The following POLR1B variants were observed in gnomAD, a reference collection of about 807,000 sequenced individuals.
POLR1B encodes RNA polymerase I subunit B.
Under a neutral mutation model 105.8 loss-of-function variants are expected in POLR1B, and 30 were observed. The observed-to-expected ratio is 0.28, with a 90% CI of 0.21 to 0.38. The LOEUF (loss-of-function observed/expected upper bound fraction) is 0.38. Among genes scored for constraint, POLR1B ranks in the 10% least tolerant of loss-of-function variants. The pLI, the probability that POLR1B is intolerant of heterozygous loss-of-function variation, is 1.00. For missense variants in POLR1B, 976 were observed against 1,435.8 expected, an observed-to-expected ratio of 0.68 and a Z score of 5.17; for synonymous variants, 485 against 505.1, an observed-to-expected ratio of 0.96 and a Z score of 0.53.
chr2:112,559,611 A>C (rs371560740), intron 9 of POLR1B, 37 bp downstream of exon 9: 1 of 1,586,354 alleles, frequency 6.3e-7, no homozygotes, highest in Admixed American at 1.8e-5. Context: ...TTGTTTGGTT[A>C]TGTGGGTTTT....
chr2:112,544,346 C>T (rs1477819283), intron 1 of POLR1B, among the ~76,000 whole-genome samples: 6 of 152,034 alleles, frequency 3.9e-5, no homozygotes, highest in Non-Finnish European at 7.4e-5. Context: ...GCACGAGAAT[C>T]GCTTGAACCT....
intron 9 of POLR1B, among the ~76,000 whole-genome samples, chr2:112,560,854 T>C (rs1049052741): frequency 6.6e-6 from 1 of 152,094 alleles, no homozygotes; most frequent in Non-Finnish European, 1.5e-5. Context: ...GTCAGGAGTT[T>C]AAGACCAACC....
intron 3 of POLR1B, 111 bp downstream of exon 3, chr2:112,547,678 AAGAGATATC>A (rs1284753465): frequency 1.6e-6 from 2 of 1,225,516 alleles, no homozygotes; most frequent in African/African-American, 3.0e-5. Flanking sequence ...GGATAGGTGA[AAGAGATATC>A]AGTATCTTGC....
chr2:112,546,839 A>T, intron 1 of POLR1B, 173 bp from the exon 2 acceptor site: 1 of 570,172 alleles, frequency 1.8e-6, no homozygotes, highest in South Asian at 2.2e-5. Context: ...CTGAGATTAC[A>T]GGCGTGAACC....
Position 112,551,595 on chromosome 2 carries a change from A to G in POLR1B, c.763-180A>G, listed in dbSNP as rs1001409417. Among the ~76,000 whole-genome samples, 12 of 152,168 alleles carry G rather than the reference A, an allele frequency of 7.9e-5. No individual in the cohort carries two copies. The South Asian group carries it at 1.2e-3, about 16-fold the overall frequency. ...CCAGGAGATGAGGACCCTGGAGGCA[A>G]TTGTGCTGTCTGGCTATCATACAAA... On this transcript the variant is annotated intron_variant, in intron 5 of 14. Coordinates refer to ENST00000263331, the MANE Select transcript of POLR1B (RefSeq NM_019014.6).
chr2:112,576,603 A>G lies in POLR1B; in HGVS notation c.*874A>G, dbSNP rs542824281. The G allele has an allele frequency of 6.6e-6, 1 of 152,234 alleles. No homozygotes were observed. Among genetic ancestry groups the G allele is most frequent in the African/African-American group, 2.4e-5 (1 of 41,548 alleles). The allele number at this position is 152,234 out of a possible 1,614,324, so 9.4% of individuals were successfully genotyped here. A position where few individuals can be genotyped will look rare whatever the true frequency, so the allele number is the denominator to read the frequency against. On this transcript the variant is annotated 3_prime_UTR_variant, in exon 15 of 15. Transcript: ENST00000263331. ...ATCTCATATAGTGGGATCATGCAAT[A>G]TTTGTCCTGTGACTGGCTTATTTCA... is the stretch of plus-strand genomic sequence containing the variant.
rs1234380896 is a variant in POLR1B, at chr2:112,578,025, T to G, written c.*2296T>G. On this transcript the variant is annotated 3_prime_UTR_variant, in exon 15 of 15. Coordinates refer to ENST00000263331, the MANE Select transcript of POLR1B (RefSeq NM_019014.6). The stretch of plus-strand genomic sequence containing the variant: ...ATTCCAGGTTCTGGCTACTGAATGA[T>G]CCCACAGCTGAGGTCTATTGTCATC... Among the ~76,000 whole-genome samples, 5 of 152,154 alleles carry G rather than the reference T, an allele frequency of 3.3e-5. No individual in the cohort carries two copies. The highest frequency in any genetic ancestry group is 5.9e-5 in the Non-Finnish European group (4 of 68,024).
rs1166266278 is a variant in POLR1B, at chr2:112,576,729, TGAGTGCAG to T, written c.*1005_*1012del. 2.0e-5 allele frequency: 3 copies of T among 152,214 alleles called. No homozygotes were observed. Among genetic ancestry groups the T allele is most frequent in the Non-Finnish European group, 4.4e-5 (3 of 68,052 alleles). The allele number at this position is 152,214 out of a possible 1,614,324, so 9.4% of individuals were successfully genotyped here. Reference sequence around the variant, plus strand: ...GAGAGGCTGAGGTGGGAGGATCATTTGAGTGCAGGAGTTCAAGGACAGCCTGGGTAATA... The same window carrying T: ...GAGAGGCTGAGGTGGGAGGATCATTTGAGTTCAAGGACAGCCTGGGTAATA... On this transcript the variant is annotated 3_prime_UTR_variant, in exon 15 of 15. Coordinates refer to ENST00000263331, the MANE Select transcript of POLR1B (RefSeq NM_019014.6).
At chr2:112,568,980 T>A (rs750880660) in intron 12 of POLR1B, 78 bp downstream of exon 12, 97 of 1,396,276 alleles carry the variant, frequency 6.9e-5, no homozygotes, top group Non-Finnish European at 9.0e-5. Context: ...TTGTCCTTAT[T>A]TACATATGCT....
intron 4 of POLR1B, among the ~76,000 whole-genome samples, chr2:112,550,213 G>A (rs2104516967): frequency 6.6e-6 from 1 of 152,334 alleles, no homozygotes; most frequent in South Asian, 2.1e-4. Context: ...GTGGGCCTTG[G>A]ATGTCTTCTG....
rs1244590697 is a variant in POLR1B at position 112,578,524 on chromosome 2, C to A, written c.*2795C>A. The stretch of plus-strand genomic sequence containing the variant: ...TTCCTTTTTATTGCTACACAGTACT[C>A]CATAGTATGAATATACTATGTACAT... On this transcript the variant is annotated 3_prime_UTR_variant, in exon 15 of 15. Transcript: ENST00000263331. Among the ~76,000 whole-genome samples the A allele has an allele frequency of 6.6e-6, 1 of 152,118 alleles. No homozygotes were observed. Among genetic ancestry groups the A allele is most frequent in the Admixed American group, 6.6e-5 (1 of 15,256 alleles).
At chr2:112,567,322 G>GTTGTTT (rs1553413032) in intron 10 of POLR1B, among the ~76,000 whole-genome samples, 3 of 151,406 alleles carry the variant, frequency 2.0e-5, no homozygotes, top group Non-Finnish European at 4.4e-5. Context: ...TGTTGTTGTT[G>GTTGTTT]TTTTCAGGTT....
chr2:112,572,632 G>A lies in POLR1B; in HGVS notation c.2145G>A (p.Gln715=). The change falls in exon 13 of 15, where the codon CAG becomes CAA. Residue 715 remains glutamine, a synonymous_variant. Transcript: ENST00000263331. ...CGGATAACAAACTGTATCGTCTTCA[G>A]ACTCCTCAGAGTCCCTTGGTGAGAC... The part of the protein sequence containing the change: ...DRSDNKLYRL[Q]TPQSPLVRPS... The A allele has an allele frequency of 6.2e-7, 1 of 1,613,122 alleles. No homozygotes were observed.
intron 10 of POLR1B, among the ~76,000 whole-genome samples, chr2:112,567,406 G>T (rs528139709): frequency 6.6e-6 from 1 of 151,878 alleles, no homozygotes; most frequent in East Asian, 1.9e-4. Flanking sequence ...TTTTGAGACA[G>T]GGTCACTCTG....
intron 11 of POLR1B, 64 bp downstream of exon 11, chr2:112,568,201 A>T (rs1684405040): frequency 2.8e-6 from 4 of 1,450,004 alleles, no homozygotes; most frequent in Non-Finnish European, 2.8e-6. Flanking sequence ...ACTTTCAGAG[A>T]CTTAACTCTT....
intron 5 of POLR1B, 102 bp downstream of exon 5, chr2:112,551,104 A>G: frequency 1.7e-6 from 2 of 1,153,832 alleles, no homozygotes; most frequent in Non-Finnish European, 2.5e-6. Flanking sequence ...ATACTGTACT[A>G]GTTGTCTACT....
Position 112,569,562 on chromosome 2 carries a change from C to CTT in POLR1B, c.2074+674_2074+675dup, listed in dbSNP as rs1290911320. 9.2e-5 allele frequency among the ~76,000 whole-genome samples: 13 copies of CTT among 140,614 alleles called. No homozygotes were observed. The South Asian group carries it at 1.6e-3, about 17-fold the overall frequency. The allele number at this position is 140,614 out of a possible 152,430, so 92.2% of individuals were successfully genotyped here. On this transcript the variant is annotated intron_variant, in intron 12 of 14. Transcript: ENST00000263331. ...GCAGTCTTCTGAATATAGTGTGTTT[C>CTT]TTTTTTTTTTTTTTTGAGACAGAGT...
rs1684874713 is a variant in POLR1B at position 112,576,665 on chromosome 2, G to A, written c.*936G>A. On this transcript the variant is annotated 3_prime_UTR_variant, in exon 15 of 15. Transcript: ENST00000263331. ...GAAATAAGATTCATCCATTTTGGAA[G>A]CCAGGCATGGTGCTGTGCATCTATA... 6.6e-6 allele frequency: 1 copy of A among 152,184 alleles called. No individual in the cohort carries two copies. The highest frequency in any genetic ancestry group is 1.5e-5 in the Non-Finnish European group (1 of 68,060). The allele number at this position is 152,184 out of a possible 1,614,324, so 9.4% of individuals were successfully genotyped here.
At chr2:112,561,095 A>G (rs932037931) in intron 9 of POLR1B, among the ~76,000 whole-genome samples, 1 of 152,012 alleles carries the variant, frequency 6.6e-6, no homozygotes, top group Admixed American at 6.6e-5. Flanking sequence ...AGTGGCCTGT[A>G]AGAAGAGGGC....
Sources: allele counts gnomAD v4.1 joint callset (sites outside exome capture counted in the v4.1 genomes callset), GRCh38; gene constraint gnomAD v4.1.1; transcripts MANE v1.5; gene names NCBI Gene and HGNC (gene_info 2026-07-23, HGNC 2026-07-21).